Variants in MYO5C observed in about 807,000 individuals in gnomAD.
MYO5C encodes unconventional myosin-Vc.
A neutral mutation model predicts 235.7 loss-of-function variants in MYO5C; 194 were observed. That is an observed-to-expected ratio of 0.82 (90% CI 0.73 to 0.93). The LOEUF is 0.93. Ranked by LOEUF, MYO5C falls within the 40% of genes least tolerant of loss-of-function variation. MYO5C has a pLI of 0.00. For synonymous variants in MYO5C, 707 were observed against 754.8 expected (o/e 0.94, Z 1.04); for missense variants, 2,038 against 2,127.2 (o/e 0.96, Z 0.82).
Position 52,242,140 on chromosome 15 carries a change from G to T in MYO5C, c.2464C>A (p.Leu822Ile). The T allele has an allele frequency of 6.2e-7, 1 of 1,614,202 alleles. No individual in the cohort carries two copies. Among genetic ancestry groups the T allele is most frequent in the Non-Finnish European group, 8.5e-7 (1 of 1,180,020 alleles). ...IIIQKHCRGY[L>I]VRSLYQLIRM... ...ATCAACTGATACAGGCTGCGAACAA[G>T]ATACCCGCGGCAGTGCTTCTGAATG... is the stretch of plus-strand genomic sequence containing the variant. Residue 822 changes from leucine (L) to isoleucine (I), a missense_variant, in exon 20 of 41, where the codon CTT (leucine) becomes ATT (isoleucine). Leu to Ile is a conservative substitution (Grantham distance 5, BLOSUM62 2). Coordinates refer to ENST00000261839, the MANE Select transcript of MYO5C (RefSeq NM_018728.4).
chr15:52,267,026 A>G (rs976995322), intron 8 of MYO5C, among the ~76,000 whole-genome samples: 3 of 152,226 alleles, frequency 2.0e-5, no homozygotes, highest in African/African-American at 7.2e-5. Context: ...CTAAGTGTCC[A>G]GGGCCAACCC....
At chr15:52,205,774 A>C (rs746058030) in intron 37 of MYO5C, 42 bp downstream of exon 37, 26 of 1,292,254 alleles carry the variant, frequency 2.0e-5, no homozygotes, top group Non-Finnish European at 2.6e-5. Context: ...AAAAGTCTTA[A>C]TGTTACTATA....
chr15:52,239,560 AC>A (rs1394290726), intron 21 of MYO5C, among the ~76,000 whole-genome samples, 172 bp downstream of exon 21: 1 of 152,240 alleles, frequency 6.6e-6, no homozygotes, highest in Non-Finnish European at 1.5e-5. Flanking sequence ...TACAACCTAC[AC>A]CACCATAGCA....
intron 1 of MYO5C, among the ~76,000 whole-genome samples, chr15:52,293,262 A>G (rs540866910): frequency 3.7e-4 from 57 of 152,026 alleles, no homozygotes; most frequent in Non-Finnish European, 6.5e-4. Context: ...GGATGGCTCC[A>G]TCTCAGCCCT....
intron 32 of MYO5C, among the ~76,000 whole-genome samples, chr15:52,217,441 C>G (rs902133316): frequency 2.6e-5 from 4 of 152,194 alleles, no homozygotes; most frequent in Non-Finnish European, 4.4e-5. Flanking sequence ...CACACATGAC[C>G]CACCCATGTA....
At chr15:52,257,975 C>G (rs999416595) in intron 10 of MYO5C, among the ~76,000 whole-genome samples, 1 of 152,160 alleles carries the variant, frequency 6.6e-6, no homozygotes, top group Non-Finnish European at 1.5e-5. Context: ...CCACACGCAG[C>G]CTTGGTGGCT....
chr15:52,223,644 A>G lies in MYO5C; in HGVS notation c.3527T>C (p.Leu1176Pro). ...CTGCAGGTGGTTGATTTCTTGACTG[A>G]GATGCACCACTTTGAAGTTCAAAGC... ...IEALNFKVVH[L>P]SQEINHLQKL... The change falls in exon 29 of 41, where the codon CTC becomes CCC. Residue 1176 changes from leucine (L) to proline (P), a missense_variant. Leu to Pro is a moderately conservative substitution (Grantham distance 98). Coordinates refer to ENST00000261839, the MANE Select transcript of MYO5C (RefSeq NM_018728.4). The G allele has an allele frequency of 6.2e-7, 1 of 1,614,128 alleles. No individual in the cohort carries two copies. Among genetic ancestry groups the G allele is most frequent in the Non-Finnish European group, 8.5e-7 (1 of 1,180,018 alleles).
At position 52,237,520 on chromosome 15, in the gene MYO5C, C is replaced by G; in HGVS notation, c.2830G>C (p.Glu944Gln). Residue 944 changes from glutamate (E) to glutamine (Q), a missense_variant, in exon 22 of 41, where the codon GAG becomes CAG. Physicochemically the swap from Glu to Gln is conservative, Grantham distance 29 (BLOSUM62 2). Transcript: ENST00000261839. ...EKAATHRRNY[E>Q]EKGKRYRDAV... ...TCCCTGTATCTCTTCCCCTTCTCCT[C>G]GTAATTTCGCCTGTGAGTGGCTGCT... 6.2e-7 allele frequency: 1 copy of G among 1,614,180 alleles called. No homozygotes were observed. Among genetic ancestry groups the G allele is most frequent in the Non-Finnish European group, 8.5e-7 (1 of 1,180,038 alleles).
intron 35 of MYO5C, among the ~76,000 whole-genome samples, chr15:52,209,116 T>G (rs973981367): frequency 6.6e-6 from 1 of 151,990 alleles, no homozygotes; most frequent in African/African-American, 2.4e-5. Flanking sequence ...AGCTCAGGAC[T>G]AGGACTGTTG....
At chr15:52,261,899 G>A (rs2140827182) in intron 9 of MYO5C, among the ~76,000 whole-genome samples, 1 of 152,278 alleles carries the variant, frequency 6.6e-6, no homozygotes, top group South Asian at 2.1e-4. Context: ...AGCCCACCAG[G>A]AAATCTACAT....
chr15:52,261,060 C>T lies in MYO5C; in HGVS notation c.1115G>A (p.Trp372Ter). The T allele has an allele frequency of 6.2e-7, 1 of 1,614,214 alleles. No individual in the cohort carries two copies. Among genetic ancestry groups the T allele is most frequent in the South Asian group, 1.1e-5 (1 of 91,088 alleles). The change falls in exon 10 of 41, where the codon TGG becomes TAG. Residue 372 changes from tryptophan to a stop codon, truncating the protein, a stop_gained. Coordinates refer to ENST00000261839, the MANE Select transcript of MYO5C (RefSeq NM_018728.4). LOFTEE classifies it high-confidence loss of function. ...TGTGACGATTTTGCGATTGCACAGC[C>T]ACTGAGCAACTCTGCCACTCTCCAG... Reference protein sequence around the residue: ...LGLESGRVAQWLCNRKIVTSS... With the variant: ...LGLESGRVAQ
At chr15:52,259,384 C>T (rs1367417083) in intron 10 of MYO5C, among the ~76,000 whole-genome samples, 3 of 140,744 alleles carry the variant, frequency 2.1e-5, no homozygotes, top group Admixed American at 7.5e-5. Flanking sequence ...GGTGCCACTG[C>T]ACTCCAGCCT....
At chr15:52,199,029 G>C (rs569421144) in intron 38 of MYO5C, among the ~76,000 whole-genome samples, 6 of 152,112 alleles carry the variant, frequency 3.9e-5, no homozygotes, top group African/African-American at 1.4e-4. Context: ...GAGTAGCTGG[G>C]ACTACAGCTA....
chr15:52,265,709 T>A (rs968140647), intron 8 of MYO5C, among the ~76,000 whole-genome samples: 1 of 152,106 alleles, frequency 6.6e-6, no homozygotes, highest in Non-Finnish European at 1.5e-5. Flanking sequence ...CAGCTAATTT[T>A]TTGTAGAGAT....
intron 9 of MYO5C, among the ~76,000 whole-genome samples, chr15:52,261,820 G>A (rs1390890083): frequency 6.6e-6 from 1 of 152,240 alleles, no homozygotes; most frequent in East Asian, 1.9e-4. Context: ...CTCAGGCAAG[G>A]ATGTGACTCC....
Position 52,219,819 on chromosome 15 carries a change from T to G in MYO5C, c.3725A>C (p.Lys1242Thr), listed in dbSNP as rs889756898. 8.7e-6 allele frequency: 14 copies of G among 1,610,636 alleles called. No individual in the cohort carries two copies. The highest frequency in any genetic ancestry group is 1.2e-5 in the Non-Finnish European group (14 of 1,177,664). ...TAACTGATTAGACAATTCTTCTAGTTTTCCTATAATGAGAAGAACTGTCAG... is the reference window on the plus strand; with the variant it reads ...TAACTGATTAGACAATTCTTCTAGTGTTCCTATAATGAGAAGAACTGTCAG... ...LNEQAEKMKG[K>T]LEELSNQLHR... Residue 1242 changes from lysine (K) to threonine (T), a missense_variant, in exon 31 of 41, where the codon AAA (lysine) becomes ACA (threonine). Coordinates refer to ENST00000261839, the MANE Select transcript of MYO5C (RefSeq NM_018728.4).
At chr15:52,255,715 G>A (rs2140813359) in intron 11 of MYO5C, among the ~76,000 whole-genome samples, 1 of 152,322 alleles carries the variant, frequency 6.6e-6, no homozygotes, top group Non-Finnish European at 1.5e-5. Context: ...GGTTGAAATT[G>A]TATTCAATAC....
At chr15:52,248,607 CT>C in intron 14 of MYO5C, 92 bp downstream of exon 14, 1 of 689,930 alleles carries the variant, frequency 1.4e-6, no homozygotes, top group Non-Finnish European at 2.4e-6. Flanking sequence ...CACACACACA[CT>C]CTCTCTCTCT....
intron 9 of MYO5C, among the ~76,000 whole-genome samples, chr15:52,263,801 C>T (rs912805340): frequency 6.6e-6 from 1 of 152,170 alleles, no homozygotes; most frequent in Non-Finnish European, 1.5e-5. Context: ...CTGTGCCAGC[C>T]GTCAGCTGCC....
Sources: allele counts gnomAD v4.1 joint callset (sites outside exome capture counted in the v4.1 genomes callset), GRCh38; gene constraint gnomAD v4.1.1; transcripts MANE v1.5; gene names NCBI Gene and HGNC (gene_info 2026-07-23, HGNC 2026-07-21).